The following LRRC49 variants were observed in gnomAD, a reference collection of about 807,000 sequenced individuals.
LRRC49 encodes leucine-rich repeat-containing protein 49.
Under a neutral mutation model 83.3 loss-of-function variants are expected in LRRC49, and 50 were observed. That is an observed-to-expected ratio of 0.60 (90% confidence interval 0.48 to 0.76). The LOEUF is 0.76. LRRC49 is among the 30% of genes least tolerant of loss of function. The pLI, the probability that LRRC49 is intolerant of heterozygous loss-of-function variation, is 0.00. For synonymous variants in LRRC49, 286 were observed against 283.3 expected (o/e 1.01, Z -0.10); for missense variants, 704 against 809.1 (o/e 0.87, Z 1.58).
intron 14 of LRRC49, among the ~76,000 whole-genome samples, chr15:71,017,508 T>C (rs1463248136): frequency 1.3e-5 from 2 of 151,550 alleles, no homozygotes; most frequent in African/African-American, 4.9e-5. Context: ...ATCCTACAAA[T>C]TTAGTAAGAA....
At chr15:70,918,824 G>A in intron 6 of LRRC49, 1 of 422,622 alleles carries the variant, frequency 2.4e-6, no homozygotes, top group South Asian at 3.2e-5. Flanking sequence ...TACGTCAAGT[G>A]TTTACTATGG....
At chr15:70,900,888 C>G in intron 3 of LRRC49, 34 bp from the exon 4 acceptor site, 1 of 1,338,594 alleles carries the variant, frequency 7.5e-7, no homozygotes, top group South Asian at 1.2e-5. Flanking sequence ...GAAGGTTTTT[C>G]TTAATTAAGT....
chr15:70,899,726 A>G (rs2033991167), intron 3 of LRRC49, among the ~76,000 whole-genome samples: 1 of 152,132 alleles, frequency 6.6e-6, no homozygotes. Context: ...TTGTCATTAT[A>G]TTGTCTGGTG....
intron 1 of LRRC49, chr15:70,854,194 C>G (rs1009071556): frequency 3.6e-5 from 30 of 834,212 alleles, no homozygotes; most frequent in Non-Finnish European, 4.5e-5. Context: ...GCGCGCCTGC[C>G]GCTCGGCCCA....
upstream of LRRC49, among the ~76,000 whole-genome samples, chr15:70,887,986 G>T (rs1272147027): frequency 2.0e-5 from 3 of 152,190 alleles, no homozygotes; most frequent in East Asian, 5.8e-4. Context: ...TCTAATGAAA[G>T]ATATGTAAGA....
Position 70,895,922 on chromosome 15 carries a change from A to T in LRRC49, c.179A>T (p.Tyr60Phe). 6.2e-7 allele frequency: 1 copy of T among 1,603,532 alleles called. No homozygotes were observed. The highest frequency in any genetic ancestry group is 8.5e-7 in the Non-Finnish European group (1 of 1,171,834). Residue 60 changes from tyrosine to phenylalanine, a missense_variant, in exon 3 of 16, where the codon TAC becomes TTC. This residue lies in a region of LRRC49 where 261 missense variants were observed against 330.5 expected (regional missense o/e 0.79). Coordinates refer to ENST00000260382, the MANE Select transcript of LRRC49 (RefSeq NM_017691.5). ...RLLQHDLERN[Y>F]SSRQGDHINL... is the part of the protein sequence containing the mutation. ...TTACAACATGACCTTGAAAGAAACT[A>T]CTCAAGTAGGCAAGGTATTGTCAGT...
chr15:70,915,993 T>G (rs1051705345), intron 6 of LRRC49, among the ~76,000 whole-genome samples: 1 of 152,212 alleles, frequency 6.6e-6, no homozygotes, highest in African/African-American at 2.4e-5. Flanking sequence ...TTAGCTAACA[T>G]CTGCTTTGAA....
In LRRC49 at chr15:70,950,166, T is replaced by G. The variant is rs559302057; in HGVS notation, c.773+13344T>G. On this transcript the variant is annotated intron_variant, in intron 8 of 15. Transcript: ENST00000260382. ...CATTATTTTTTATGTCTGTGTAGTA[T>G]TCTATGGTGTATATGTACCACATTT... Among the ~76,000 whole-genome samples, 3 of 152,334 alleles carry G rather than the reference T, an allele frequency of 2.0e-5. No individual in the cohort carries two copies. The East Asian group carries it at 5.8e-4, about 29-fold the overall frequency.
chr15:70,998,493 A>G (rs976359061), intron 11 of LRRC49, among the ~76,000 whole-genome samples: 7 of 152,048 alleles, frequency 4.6e-5, no homozygotes, highest in Admixed American at 2.0e-4. Flanking sequence ...AGCACTTTAA[A>G]TATATCATCC....
Position 70,984,256 on chromosome 15 carries a change from G to A in LRRC49, c.1168G>A (p.Gly390Arg), listed in dbSNP as rs1279176317. The A allele has an allele frequency of 1.2e-6, 2 of 1,601,740 alleles. No individual in the cohort carries two copies. The highest frequency in any genetic ancestry group is 1.7e-6 in the Non-Finnish European group (2 of 1,174,450). The change falls in exon 11 of 16, where the codon GGG becomes AGG. Residue 390 changes from glycine (G) to arginine (R), a missense_variant and splice_region_variant. This residue lies in a region of LRRC49 where 168 missense variants were observed against 140.6 expected (regional missense o/e 1.20). Coordinates refer to ENST00000260382, the MANE Select transcript of LRRC49 (RefSeq NM_017691.5). ...CCTCTCTGCATTCCCAGAGGAAACA[G>A]GGTATGCAATGGTATTTTTTCAAGA... The part of the protein sequence containing the change: ...STLSAFPEET[G>R]PLDSGLNNAL...
At chr15:70,892,567 C>A (rs902511110), upstream of LRRC49, 24 of 1,490,126 alleles carry the variant, frequency 1.6e-5, no homozygotes, top group Admixed American at 3.3e-4. Context: ...TAAAGAGGAA[C>A]GGACCGGAAG....
chr15:70,994,136 C>T (rs376207055), intron 11 of LRRC49, among the ~76,000 whole-genome samples: 6 of 152,204 alleles, frequency 3.9e-5, no homozygotes, highest in South Asian at 2.1e-4. Context: ...CTTGAGCCAC[C>T]GCACATGGCC....
intron 14 of LRRC49, among the ~76,000 whole-genome samples, chr15:71,021,750 G>A (rs954870993): frequency 6.6e-6 from 1 of 152,130 alleles, no homozygotes; most frequent in Non-Finnish European, 1.5e-5. Flanking sequence ...GGCCTTAGCT[G>A]GGACAACCTG....
chr15:70,980,917 AAGGT>A (rs1224838202), intron 10 of LRRC49, among the ~76,000 whole-genome samples: 1 of 152,144 alleles, frequency 6.6e-6, no homozygotes, highest in East Asian at 1.9e-4. Context: ...CTAGCCAGGC[AAGGT>A]GGTATGTACC....
intron 5 of LRRC49, among the ~76,000 whole-genome samples, chr15:70,909,126 T>C (rs16955006): frequency 0.029 from 4,443 of 152,288 alleles, 215 homozygotes; most frequent in African/African-American, 0.1. Context: ...ACAGACTACA[T>C]TGATTCTTCA....
At chr15:70,887,718 C>T (rs1157234572), upstream of LRRC49, among the ~76,000 whole-genome samples, 3 of 152,084 alleles carry the variant, frequency 2.0e-5, no homozygotes, top group African/African-American at 7.2e-5. Flanking sequence ...TCTTCTGTTC[C>T]CACACTGTAC....
intron 1 of LRRC49, among the ~76,000 whole-genome samples, chr15:70,861,797 C>T (rs897316029): frequency 1.5e-4 from 23 of 152,014 alleles, no homozygotes; most frequent in African/African-American, 4.4e-4. Flanking sequence ...TGGTGGTGTG[C>T]GCCTGTAGTC....
rs376420705 is a variant in LRRC49, at chr15:70,960,468, C to T, written c.774-3317C>T. On this transcript the variant is annotated intron_variant, in intron 8 of 15. Coordinates refer to ENST00000260382, the MANE Select transcript of LRRC49 (RefSeq NM_017691.5). ...ACTTCATGTTCTTATCAGAGCAAAA[C>T]GTGTATCATTCATGTAGTAAATAAA... Among the ~76,000 whole-genome samples the T allele has an allele frequency of 4.7e-4, 72 of 152,236 alleles. 2 individuals carry two copies. The South Asian group carries it at 0.011, about 24-fold the overall frequency.
chr15:70,854,260 GCCGCCA>G, intron 1 of LRRC49: 1 of 261,858 alleles, frequency 3.8e-6, no homozygotes. Context: ...CGCCGCCGCC[GCCGCCA>G]CCACCCCGAC....
Sources: allele counts gnomAD v4.1 joint callset (sites outside exome capture counted in the v4.1 genomes callset), GRCh38; gene constraint gnomAD v4.1.1; regional missense constraint gnomAD v4.1.1; transcripts MANE v1.5; gene names NCBI Gene and HGNC (gene_info 2026-07-23, HGNC 2026-07-21).